Variants in GMDS observed in about 807,000 individuals in gnomAD.
GMDS encodes the protein GDP-mannose 4,6-dehydratase, also known as GDP-mannose 4,6 dehydratase.
Under a neutral mutation model 49.9 loss-of-function variants are expected in GMDS, and 20 were observed. The ratio of observed to expected loss-of-function variants is 0.40; its 90% CI spans 0.28 to 0.58. The LOEUF is 0.58. GMDS is among the 20% of genes least tolerant of loss of function. The pLI is 0.42. For missense variants in GMDS, 362 were observed against 481.4 expected, an observed-to-expected ratio of 0.75 and a Z score of 2.32; for synonymous variants, 177 against 178.6, an observed-to-expected ratio of 0.99 and a Z score of 0.07.
At chr6:1,998,883 TA>T (rs1554143647) in intron 4 of GMDS, among the ~76,000 whole-genome samples, 8 of 151,406 alleles carry the variant, frequency 5.3e-5, no homozygotes, top group African/African-American at 1.9e-4. Context: ...CTGTTTTTTT[TA>T]AAACAAAAAG....
At chr6:1,717,844 G>C (rs1189618265) in intron 9 of GMDS, among the ~76,000 whole-genome samples, 1 of 152,126 alleles carries the variant, frequency 6.6e-6, no homozygotes, top group Non-Finnish European at 1.5e-5. Context: ...TCATCTTTAA[G>C]AATTTGAAAA....
chr6:1,820,085 G>C (rs1770832049), intron 7 of GMDS, among the ~76,000 whole-genome samples: 1 of 151,788 alleles, frequency 6.6e-6, no homozygotes, highest in African/African-American at 2.4e-5. Context: ...ACATTTTCTA[G>C]TTTTTCTTAT....
intron 1 of GMDS, among the ~76,000 whole-genome samples, chr6:2,153,608 C>T (rs746397722): frequency 6.6e-6 from 1 of 152,056 alleles, no homozygotes; most frequent in Non-Finnish European, 1.5e-5. Flanking sequence ...CTGATCCCTA[C>T]TCAAAATGAA....
chr6:1,652,887 T>C (rs1223927074), intron 9 of GMDS, among the ~76,000 whole-genome samples: 1 of 143,236 alleles, frequency 7.0e-6, no homozygotes, highest in East Asian at 2.1e-4. Context: ...GCCACACTCA[T>C]GTGTGCTTGC....
intron 6 of GMDS, among the ~76,000 whole-genome samples, chr6:1,942,225 T>A (rs1437573043): frequency 6.6e-6 from 1 of 152,202 alleles, no homozygotes; most frequent in East Asian, 1.9e-4. Flanking sequence ...GGAGTCCTCT[T>A]TGATTCCTTT....
At chr6:2,076,941 G>A (rs1214281162) in intron 4 of GMDS, among the ~76,000 whole-genome samples, 1 of 152,056 alleles carries the variant, frequency 6.6e-6, no homozygotes, top group Non-Finnish European at 1.5e-5. Flanking sequence ...ATGAGCATGG[G>A]ATATCTTTTC....
chr6:1,947,727 G>C (rs1763147516), intron 6 of GMDS, among the ~76,000 whole-genome samples: 2 of 152,158 alleles, frequency 1.3e-5, no homozygotes, highest in African/African-American at 4.8e-5. Flanking sequence ...GTCCACACCA[G>C]AAACATCTAA....
chr6:1,675,850 C>T (rs1210961774), intron 9 of GMDS, among the ~76,000 whole-genome samples: 1 of 124,128 alleles, frequency 8.1e-6, no homozygotes, highest in Non-Finnish European at 1.8e-5. Flanking sequence ...GAGACTCTGT[C>T]TCAAAAAAAA....
chr6:1,634,865 TG>T (rs2113162786), intron 9 of GMDS, among the ~76,000 whole-genome samples: 1 of 152,110 alleles, frequency 6.6e-6, no homozygotes, highest in East Asian at 1.9e-4. Context: ...GAACTTGAGA[TG>T]ATCTTGGAGA....
chr6:1,675,877 G>T (rs1317113418), intron 9 of GMDS, among the ~76,000 whole-genome samples: 1 of 151,502 alleles, frequency 6.6e-6, no homozygotes, highest in African/African-American at 2.4e-5. Flanking sequence ...TGATAAAGGG[G>T]ATATCACCAC....
At chr6:2,092,918 A>C (rs1309097483) in intron 4 of GMDS, among the ~76,000 whole-genome samples, 2 of 152,234 alleles carry the variant, frequency 1.3e-5, no homozygotes, top group Admixed American at 1.3e-4. Context: ...TAGATACAGA[A>C]AGATAATAGG....
chr6:2,124,805 G>C, intron 1 of GMDS, 74 bp from the exon 2 acceptor site: 1 of 1,148,392 alleles, frequency 8.7e-7, no homozygotes, highest in Non-Finnish European at 1.3e-6. Flanking sequence ...GAAGAGTTTT[G>C]AGAAAAGCAT....
chr6:1,792,056 A>T (rs1379686204), intron 7 of GMDS, among the ~76,000 whole-genome samples: 1 of 152,164 alleles, frequency 6.6e-6, no homozygotes, highest in Non-Finnish European at 1.5e-5. Flanking sequence ...AATTTTTAGC[A>T]TATTTATATA....
intron 7 of GMDS, among the ~76,000 whole-genome samples, chr6:1,846,982 T>C (rs1359991000): frequency 6.6e-6 from 1 of 152,142 alleles, no homozygotes; most frequent in African/African-American, 2.4e-5. Flanking sequence ...GCAGATGAAA[T>C]CATGCTTGAC....
At chr6:1,667,240 A>G (rs1303503934) in intron 9 of GMDS, among the ~76,000 whole-genome samples, 1 of 152,200 alleles carries the variant, frequency 6.6e-6, no homozygotes, top group Non-Finnish European at 1.5e-5. Context: ...CATAACTCAA[A>G]AATGAAATTG....
intron 8 of GMDS, among the ~76,000 whole-genome samples, chr6:1,739,337 C>T (rs1199835829): frequency 1.3e-5 from 2 of 152,230 alleles, no homozygotes; most frequent in East Asian, 3.8e-4. Context: ...AAATTAAACA[C>T]AGTAGGGGTG....
chr6:1,783,716 C>T (rs1288141118), intron 7 of GMDS, among the ~76,000 whole-genome samples: 1 of 144,092 alleles, frequency 6.9e-6, no homozygotes, highest in East Asian at 2.2e-4. Context: ...AATTTTATTA[C>T]TACTGAAAAT....
chr6:2,059,557 A>C (rs962040510), intron 4 of GMDS, among the ~76,000 whole-genome samples: 1 of 146,740 alleles, frequency 6.8e-6, no homozygotes, highest in African/African-American at 2.5e-5. Flanking sequence ...AAATACAAAA[A>C]ATTAGCCGGG....
intron 9 of GMDS, among the ~76,000 whole-genome samples, chr6:1,700,845 GCCCCAGTTCTGGAAATCCGAGACCC>G (rs1765518577): frequency 6.6e-6 from 1 of 152,052 alleles, no homozygotes; most frequent in Non-Finnish European, 1.5e-5. Flanking sequence ...GGCCATCCCA[GCCCCAGTTCTGGAAATCCGAGACCC>G]TAACTGTACT....
Sources: allele counts gnomAD v4.1 joint callset (sites outside exome capture counted in the v4.1 genomes callset), GRCh38; gene constraint gnomAD v4.1.1; transcripts MANE v1.5; gene names NCBI Gene and HGNC (gene_info 2026-07-23, HGNC 2026-07-21).